COMMD1: variants seen among roughly 807,000 people sequenced by gnomAD.
COMMD1 encodes the protein copper metabolism domain containing 1.
Under a neutral mutation model 17.2 loss-of-function variants are expected in COMMD1, and 10 were observed. The observed-to-expected ratio is 0.58, with a 90% CI of 0.36 to 0.99. The LOEUF (loss-of-function observed/expected upper bound fraction) is 0.99. Ranked by LOEUF, COMMD1 falls within the 50% of genes least tolerant of loss-of-function variation. The pLI is 0.01. For synonymous variants in COMMD1, 97 were observed against 91.6 expected (o/e 1.06, Z -0.34); for missense variants, 270 against 231.8 (o/e 1.17, Z -1.07).
intron 1 of COMMD1, among the ~76,000 whole-genome samples, chr2:61,952,956 G>T (rs560002459): frequency 6.6e-6 from 1 of 152,314 alleles, no homozygotes; most frequent in East Asian, 1.9e-4. Context: ...CCTACTAACA[G>T]TTCATAATAG....
intron 1 of COMMD1, among the ~76,000 whole-genome samples, chr2:61,920,847 T>G (rs1339402085): frequency 1.3e-5 from 2 of 151,656 alleles, no homozygotes; most frequent in Non-Finnish European, 2.9e-5. Flanking sequence ...TAAAGATTTT[T>G]ACTAGAGAAA....
intron 2 of COMMD1, among the ~76,000 whole-genome samples, chr2:62,040,798 C>T (rs1220009386): frequency 6.6e-6 from 1 of 152,036 alleles, no homozygotes; most frequent in Non-Finnish European, 1.5e-5. Flanking sequence ...GCAACTTCTG[C>T]CTCCTGGGTT....
chr2:62,092,141 G>T (rs1671847311), intron 2 of COMMD1, among the ~76,000 whole-genome samples: 1 of 152,188 alleles, frequency 6.6e-6, no homozygotes, highest in Non-Finnish European at 1.5e-5. Context: ...GTGGAAATGA[G>T]AATGAACAAG....
At chr2:62,127,277 A>G (rs530323792) in intron 2 of COMMD1, among the ~76,000 whole-genome samples, 4 of 152,362 alleles carry the variant, frequency 2.6e-5, no homozygotes, top group African/African-American at 7.2e-5. Context: ...GGAAGAATCA[A>G]TATTGCGAAA....
chr2:62,099,572 T>A (rs1672115747), intron 2 of COMMD1, among the ~76,000 whole-genome samples: 1 of 150,548 alleles, frequency 6.6e-6, no homozygotes, highest in African/African-American at 2.4e-5. Context: ...GCTATCTCTC[T>A]CTTTTTTTTT....
intron 2 of COMMD1, among the ~76,000 whole-genome samples, chr2:62,044,027 AAAAT>A: frequency 6.6e-6 from 1 of 152,186 alleles, no homozygotes; most frequent in Admixed American, 6.6e-5. Flanking sequence ...TTTCCACACA[AAAAT>A]CATGATCCTC....
Position 62,116,650 on chromosome 2 carries a change from C to T in COMMD1, c.463-19181C>T, listed in dbSNP as rs188306672. Among the ~76,000 whole-genome samples the T allele has an allele frequency of 1.7e-3, 196 of 118,042 alleles. 3 individuals carry two copies. In the East Asian group the frequency reaches 0.046, roughly 27 times the overall value. The allele number at this position is 118,042 out of a possible 152,430, so 77.4% of individuals were successfully genotyped here. A position where few individuals can be genotyped will look rare whatever the true frequency, so the allele number is the denominator to read the frequency against. On this transcript the variant is annotated intron_variant, in intron 2 of 2. Transcript: ENST00000311832. ...TAGCACCACTGCACTCCAGCCTGGG[C>T]GACAGAGCGAGACTCTGTCTCATTA...
intron 2 of COMMD1, among the ~76,000 whole-genome samples, chr2:62,031,340 A>G (rs1041388478): frequency 3.3e-5 from 5 of 152,238 alleles, no homozygotes; most frequent in African/African-American, 1.2e-4. Flanking sequence ...TTACTTAGGA[A>G]TTCAAATGCA....
chr2:61,924,348 G>A (rs1572966673), intron 1 of COMMD1, among the ~76,000 whole-genome samples: 1 of 151,344 alleles, frequency 6.6e-6, no homozygotes, highest in African/African-American at 2.4e-5. Flanking sequence ...AACGAGTAAG[G>A]GGTGGTGGTA....
chr2:62,106,016 G>A (rs2104031792), intron 2 of COMMD1, among the ~76,000 whole-genome samples: 1 of 151,932 alleles, frequency 6.6e-6, no homozygotes, highest in Non-Finnish European at 1.5e-5. Flanking sequence ...TTTCTTCTGA[G>A]ACAGGGTCTG....
chr2:62,068,064 G>T (rs1671102786), intron 2 of COMMD1, among the ~76,000 whole-genome samples: 1 of 152,154 alleles, frequency 6.6e-6, no homozygotes. Context: ...AAGCCATTCA[G>T]TTCGTGGTCC....
chr2:62,048,567 A>G (rs1419995591), intron 2 of COMMD1, among the ~76,000 whole-genome samples: 1 of 152,180 alleles, frequency 6.6e-6, no homozygotes, highest in Non-Finnish European at 1.5e-5. Flanking sequence ...TCATGCAAGA[A>G]TGAGGTGACC....
intron 2 of COMMD1, among the ~76,000 whole-genome samples, chr2:62,126,663 G>T (rs533798398): frequency 4.6e-5 from 7 of 152,160 alleles, no homozygotes; most frequent in African/African-American, 1.7e-4. Context: ...TTAGACCTTT[G>T]TCAGATGGAT....
At chr2:61,959,866 G>T (rs1018370565) in intron 1 of COMMD1, among the ~76,000 whole-genome samples, 1 of 152,200 alleles carries the variant, frequency 6.6e-6, no homozygotes, top group Non-Finnish European at 1.5e-5. Context: ...AACCTGACAC[G>T]TCTACCCTAC....
chr2:62,055,013 G>A (rs137880824), intron 2 of COMMD1, among the ~76,000 whole-genome samples: 272 of 152,270 alleles, frequency 1.8e-3, no homozygotes, highest in African/African-American at 5.8e-3. Context: ...CTGGGGAGCG[G>A]CTACAAATAC....
At chr2:61,992,160 G>A (rs1478843284) in intron 1 of COMMD1, among the ~76,000 whole-genome samples, 1 of 152,010 alleles carries the variant, frequency 6.6e-6, no homozygotes, top group Non-Finnish European at 1.5e-5. Context: ...AACAAATGCA[G>A]GTATATAAAA....
rs1671463396 is a variant in COMMD1 at position 61,964,758 on chromosome 2, A to C, written c.181-35943A>C. On this transcript the variant is annotated intron_variant, in intron 1 of 2. Coordinates refer to ENST00000311832, the MANE Select transcript of COMMD1 (RefSeq NM_152516.4). ...CATGGTGGCTCAGGCCTGTAATCCCAGCTACTCAGGAGGCTGAGGCAGGAG... is the reference window on the plus strand; with the variant it reads ...CATGGTGGCTCAGGCCTGTAATCCCCGCTACTCAGGAGGCTGAGGCAGGAG... Among the ~76,000 whole-genome samples the C allele has an allele frequency of 3.9e-5, 6 of 152,342 alleles. No individual in the cohort carries two copies. The South Asian group carries it at 1.2e-3, about 32-fold the overall frequency.
At chr2:62,080,065 G>T (rs1671475026) in intron 2 of COMMD1, among the ~76,000 whole-genome samples, 1 of 152,194 alleles carries the variant, frequency 6.6e-6, no homozygotes, top group African/African-American at 2.4e-5. Context: ...GTAATGACTG[G>T]CATTCTGTGT....
At chr2:61,897,910 A>T (rs1396380799) in intron 1 of COMMD1, among the ~76,000 whole-genome samples, 2 of 152,108 alleles carry the variant, frequency 1.3e-5, no homozygotes, top group South Asian at 4.1e-4. Context: ...ATGCCTCCAT[A>T]TATAGGGACG....
Sources: allele counts gnomAD v4.1 joint callset (sites outside exome capture counted in the v4.1 genomes callset), GRCh38; gene constraint gnomAD v4.1.1; transcripts MANE v1.5; gene names NCBI Gene and HGNC (gene_info 2026-07-23, HGNC 2026-07-21).